STAT5B: variants seen among roughly 807,000 people sequenced by gnomAD.
The protein encoded by STAT5B is signal transducer and activator of transcription 5B.
STAT5B carries 21 observed loss-of-function variants against 107.8 expected under a neutral mutation model. That is an observed-to-expected ratio of 0.19 (90% CI 0.14 to 0.28). The LOEUF (loss-of-function observed/expected upper bound fraction) is 0.28, where lower values mean the gene tolerates loss of function less well. Ranked by LOEUF, STAT5B falls within the 10% of genes least tolerant of loss-of-function variation. The pLI, the probability that STAT5B is intolerant of heterozygous loss-of-function variation, is 1.00. For missense variants in STAT5B, 565 were observed against 1,008.2 expected (o/e 0.56, Z 5.95); for synonymous variants, 325 against 401.7 (o/e 0.81, Z 2.28).
At chr17:42,222,005 G>A (rs1041771316) in intron 5 of STAT5B, among the ~76,000 whole-genome samples, 9 of 141,512 alleles carry the variant, frequency 6.4e-5, no homozygotes, top group African/African-American at 2.5e-4. Context: ...TGGTGTGTGT[G>A]TGCTGTGTGT....
chr17:42,288,322 C>T, the STAT5B span: 1 of 152,166 alleles, frequency 6.6e-6, no homozygotes, highest in African/African-American at 2.4e-5. This position sits in a 1 kb window ranked among gnomAD's most constrained non-coding sequence, Gnocchi z 4.8. Context: ...CGGCGCCGCC[C>T]GCCGGGAACG....
At chr17:42,219,896 G>A (rs1191472287) in intron 5 of STAT5B, 54 bp from the exon 6 acceptor site, 4 of 1,612,792 alleles carry the variant, frequency 2.5e-6, no homozygotes, top group Middle Eastern at 3.3e-4. Flanking sequence ...CCAACAGGAG[G>A]CCCAGAGAAG....
intron 1 of STAT5B, among the ~76,000 whole-genome samples, chr17:42,255,369 G>C (rs2080533993): frequency 6.6e-6 from 1 of 152,176 alleles, no homozygotes; most frequent in Admixed American, 6.6e-5. Flanking sequence ...ATCACATTTT[G>C]AAAGCTTTAA....
chr17:42,203,415 A>G (rs2080061701), intron 16 of STAT5B, among the ~76,000 whole-genome samples: 1 of 145,644 alleles, frequency 6.9e-6, no homozygotes, highest in Admixed American at 6.7e-5. Context: ...ATACTAATTA[A>G]AAAAAAAAAA....
chr17:42,256,920 G>A (rs1483312439), intron 1 of STAT5B, among the ~76,000 whole-genome samples: 2 of 140,478 alleles, frequency 1.4e-5, no homozygotes, highest in South Asian at 2.2e-4. Context: ...TATTATCATT[G>A]TTCTTAATCT....
intron 1 of STAT5B, among the ~76,000 whole-genome samples, chr17:42,256,687 G>A (rs1362229278): frequency 1.3e-5 from 2 of 151,556 alleles, no homozygotes; most frequent in Non-Finnish European, 1.5e-5. Context: ...GTGAAACCCC[G>A]TCTCTACTAA....
intron 1 of STAT5B, among the ~76,000 whole-genome samples, chr17:42,274,502 T>C (rs2080748731): frequency 6.6e-6 from 1 of 152,178 alleles, no homozygotes; most frequent in Non-Finnish European, 1.5e-5. Context: ...CCTTCTCTTA[T>C]TTAGCCATGT....
At chr17:42,286,376 G>A in the STAT5B span, among the ~76,000 whole-genome samples, 21 of 152,208 alleles carry the variant, frequency 1.4e-4, no homozygotes, top group Non-Finnish European at 2.6e-4. Context: ...TGGGAGGCAC[G>A]GGAGGGCTCT....
intron 2 of STAT5B, among the ~76,000 whole-genome samples, chr17:42,230,903 T>C (rs1199551125): frequency 4.6e-5 from 7 of 152,162 alleles, no homozygotes; most frequent in Non-Finnish European, 5.9e-5. Context: ...CCTCCAGTGA[T>C]CTGCCTGCCT....
At position 42,223,377 on chromosome 17, in the gene STAT5B, C is replaced by T. The variant is rs773246323; in HGVS notation, c.550+5G>A. On this transcript the variant is annotated splice_donor_5th_base_variant and intron_variant, in intron 5 of 18. Coordinates refer to ENST00000293328, the MANE Select transcript of STAT5B (RefSeq NM_012448.4). ...GTTGCACAATGTGCCTCCACCGCGC[C>T]TCACCTTGGATCCTCAGGCTCTCCT... 30 of 1,614,084 alleles carry T rather than the reference C, an allele frequency of 1.9e-5. No individual in the cohort carries two copies. The African/African-American group carries it at 3.9e-4, about 21-fold the overall frequency.
chr17:42,251,541 G>A (rs1162408695), intron 1 of STAT5B, among the ~76,000 whole-genome samples: 1 of 152,140 alleles, frequency 6.6e-6, no homozygotes, highest in African/African-American at 2.4e-5. Flanking sequence ...ACACCCCAGT[G>A]TGTAAGACAG....
chr17:42,288,326 G>A, the STAT5B span: 1 of 152,182 alleles, frequency 6.6e-6, no homozygotes, highest in Non-Finnish European at 1.5e-5. This position sits in a 1 kb window ranked among gnomAD's most constrained non-coding sequence, Gnocchi z 4.8. Context: ...GCCGCCCGCC[G>A]GGAACGGCCG....
the STAT5B span, among the ~76,000 whole-genome samples, chr17:42,287,244 G>A: frequency 6.6e-6 from 1 of 151,938 alleles, no homozygotes. Context: ...ACTGGGAGAG[G>A]TAGTAAGGGG....
intron 1 of STAT5B, among the ~76,000 whole-genome samples, chr17:42,252,831 TATG>T (rs760375720): frequency 4.6e-5 from 7 of 152,188 alleles, no homozygotes; most frequent in Admixed American, 1.3e-4. Context: ...TTACATGAAA[TATG>T]ATGATGCTAA....
intron 2 of STAT5B, 51 bp from the exon 3 acceptor site, chr17:42,227,736 T>TATAA: frequency 6.3e-7 from 1 of 1,590,380 alleles, no homozygotes; most frequent in Non-Finnish European, 8.6e-7. Context: ...CGTGAGCCTG[T>TATAA]ATAAATACAG....
At position 42,256,115 on chromosome 17, in the gene STAT5B, C is replaced by T. The variant is rs149079207; in HGVS notation, c.-11+20133G>A. On this transcript the variant is annotated intron_variant, in intron 1 of 18. Coordinates refer to ENST00000293328, the MANE Select transcript of STAT5B (RefSeq NM_012448.4). ...AATGGTAAATTTTATGATATATATA[C>T]GTAACTCCACAATCTTTAAAATGGG... Among the ~76,000 whole-genome samples, 211 of 151,980 alleles carry T rather than the reference C, an allele frequency of 1.4e-3. 1 individual carries two copies. Among genetic ancestry groups the T allele is most frequent in the East Asian group, 3.3e-3 (17 of 5,190 alleles).
intron 17 of STAT5B, 110 bp downstream of exon 17, chr17:42,202,647 A>T: frequency 6.3e-7 from 1 of 1,582,498 alleles, no homozygotes; most frequent in Admixed American, 1.7e-5. Flanking sequence ...CCCAGGGCTG[A>T]GACAGTTTCC....
At chr17:42,258,857 G>A (rs1324506916) in intron 1 of STAT5B, among the ~76,000 whole-genome samples, 2 of 152,186 alleles carry the variant, frequency 1.3e-5, no homozygotes, top group African/African-American at 4.8e-5. Context: ...CCTCACCTAG[G>A]GGGAACTAAA....
chr17:42,232,139 T>C lies in STAT5B; in HGVS notation c.-10-2A>G. The C allele has an allele frequency of 6.2e-7, 1 of 1,613,724 alleles. No homozygotes were observed. Among genetic ancestry groups the C allele is most frequent in the Non-Finnish European group, 8.5e-7 (1 of 1,179,746 alleles). ...ATCCACACAGCCATGGTTTACAATC[T>C]GTTGAACAAACAATCAGTGCTTTGG... On this transcript the variant is annotated splice_acceptor_variant, in intron 1 of 18. Coordinates refer to ENST00000293328, the MANE Select transcript of STAT5B (RefSeq NM_012448.4). LOFTEE classifies it low-confidence loss of function (5UTR_SPLICE).
Sources: allele counts gnomAD v4.1 joint callset (sites outside exome capture counted in the v4.1 genomes callset), GRCh38; gene constraint gnomAD v4.1.1; non-coding constraint Gnocchi (gnomAD v3.1); transcripts MANE v1.5; gene names NCBI Gene and HGNC (gene_info 2026-07-23, HGNC 2026-07-21).